The following OR56B2 variants were observed in gnomAD, a reference collection of about 807,000 sequenced individuals.
The protein encoded by OR56B2 is olfactory receptor 56B2.
At chr11:5,762,877 A>G in the OR56B2 span, among the ~76,000 whole-genome samples, 26 of 152,188 alleles carry the variant, frequency 1.7e-4, no homozygotes, top group African/African-American at 6.0e-4. Context: ...TTTCAAGTTT[A>G]GGTTATGTGT....
At chr11:5,767,561 A>G in the OR56B2 span, 11 of 139,780 alleles carry the variant, frequency 7.9e-5, 2 homozygotes. Context: ...CTATCCCATA[A>G]TTTCATGCTG....
chr11:5,768,657 C>T, the OR56B2 span, among the ~76,000 whole-genome samples: 5 of 139,144 alleles, frequency 3.6e-5, no homozygotes, highest in African/African-American at 1.3e-4. Context: ...CCATAGAGGT[C>T]GTACTAATTT....
the OR56B2 span, chr11:5,766,258 C>T: frequency 7.2e-6 from 1 of 139,782 alleles, no homozygotes; most frequent in Non-Finnish European, 1.6e-5. Context: ...CAAAGGGTAA[C>T]AGTGATGCTA....
the OR56B2 span, chr11:5,766,787 G>A: frequency 2.9e-5 from 4 of 139,918 alleles, no homozygotes; most frequent in African/African-American, 1.0e-4. Context: ...TTGTTGGGAA[G>A]TAAAAATGGC....
chr11:5,768,016 T>C, the OR56B2 span, among the ~76,000 whole-genome samples: 1 of 139,648 alleles, frequency 7.2e-6, no homozygotes, highest in Non-Finnish European at 1.6e-5. Context: ...ATAATGAATG[T>C]AGTGAAAGTC....
the OR56B2 span, chr11:5,761,340 C>T: frequency 6.6e-6 from 1 of 152,128 alleles, no homozygotes; most frequent in South Asian, 2.1e-4. Context: ...GAGGCATCTA[C>T]ATAATGCTTC....
chr11:5,767,475 AT>A, the OR56B2 span: 7 of 139,460 alleles, frequency 5.0e-5, 2 homozygotes, highest in East Asian at 1.4e-3. Flanking sequence ...ACTAGGAATT[AT>A]TATTTAATAA....
chr11:5,765,416 T>TC, the OR56B2 span: 2 of 141,418 alleles, frequency 1.4e-5, no homozygotes, highest in Non-Finnish European at 3.1e-5. Flanking sequence ...AGTGCTTTGC[T>TC]CAGATGTATG....
At chr11:5,767,348 C>T in the OR56B2 span, 27 of 139,594 alleles carry the variant, frequency 1.9e-4, 2 homozygotes, top group African/African-American at 6.3e-4. Context: ...CTGGGCCCCA[C>T]TTCCCAATAC....
At chr11:5,763,801 G>T in the OR56B2 span, among the ~76,000 whole-genome samples, 1 of 139,156 alleles carries the variant, frequency 7.2e-6, no homozygotes, top group African/African-American at 2.6e-5. Flanking sequence ...ACGCCTTTAG[G>T]TTTCTATGGG....
At chr11:5,762,898 G>A in the OR56B2 span, among the ~76,000 whole-genome samples, 11 of 151,866 alleles carry the variant, frequency 7.2e-5, no homozygotes, top group African/African-American at 2.7e-4. Flanking sequence ...TTGGGATCAG[G>A]CTAGTCACAA....
chr11:5,764,088 T>C, the OR56B2 span, among the ~76,000 whole-genome samples: 1 of 140,932 alleles, frequency 7.1e-6, no homozygotes, highest in Non-Finnish European at 1.6e-5. Context: ...TTATATTGTA[T>C]CCTTAATATT....
At chr11:5,762,346 C>T in the OR56B2 span, among the ~76,000 whole-genome samples, 1 of 151,946 alleles carries the variant, frequency 6.6e-6, no homozygotes, top group Non-Finnish European at 1.5e-5. Context: ...ATTCATTTAT[C>T]GTTTAATGCC....
chr11:5,762,681 G>T, the OR56B2 span, among the ~76,000 whole-genome samples: 2 of 151,952 alleles, frequency 1.3e-5, no homozygotes, highest in Non-Finnish European at 2.9e-5. Context: ...TAATTTAAAT[G>T]TTCCTAGCAT....
At chr11:5,762,304 T>C in the OR56B2 span, among the ~76,000 whole-genome samples, 1 of 152,122 alleles carries the variant, frequency 6.6e-6, no homozygotes, top group Non-Finnish European at 1.5e-5. Context: ...AATTTTTCTC[T>C]GGAGGCCATG....
the OR56B2 span, among the ~76,000 whole-genome samples, chr11:5,762,214 T>A: frequency 6.6e-6 from 1 of 152,068 alleles, no homozygotes; most frequent in Non-Finnish European, 1.5e-5. Context: ...ATTTTTTTTC[T>A]TTACTAATCT....
the OR56B2 span, chr11:5,765,644 G>A: frequency 7.1e-6 from 1 of 140,728 alleles, no homozygotes; most frequent in Non-Finnish European, 1.6e-5. Context: ...ATCAAATTGA[G>A]CACTGTCTTT....
the OR56B2 span, chr11:5,765,399 C>T: frequency 7.1e-6 from 1 of 141,340 alleles, no homozygotes; most frequent in Non-Finnish European, 1.6e-5. Flanking sequence ...GACCATCAGT[C>T]TCCTGGAGTG....
the OR56B2 span, among the ~76,000 whole-genome samples, chr11:5,764,399 T>A: frequency 5.7e-5 from 8 of 140,606 alleles, 2 homozygotes; most frequent in South Asian, 1.4e-3. Flanking sequence ...TATACGCAAG[T>A]AGAAATAAGT....
Sources: gnomAD v4.1 joint callset for allele counts (sites outside exome capture counted in the v4.1 genomes callset) on GRCh38, gnomAD v4.1.1 for gene constraint, MANE v1.5 for transcripts, NCBI Gene and HGNC (gene_info 2026-07-23, HGNC 2026-07-21) for gene names.